Variants in LTBP1 observed in about 807,000 individuals in gnomAD.
LTBP1 encodes the protein latent transforming growth factor beta binding protein 1, also known as latent-transforming growth factor beta-binding protein 1.
Under a neutral mutation model 207.6 loss-of-function variants are expected in LTBP1, and 129 were observed. That is an observed-to-expected ratio of 0.62 (90% confidence interval 0.54 to 0.72). The LOEUF is 0.72. Ranked by LOEUF, LTBP1 falls within the 30% of genes least tolerant of loss-of-function variation. The pLI is 0.00. For missense variants in LTBP1, 2,281 were observed against 2,217.2 expected, an observed-to-expected ratio of 1.03 and a Z score of -0.58; for synonymous variants, 963 against 833.7, an observed-to-expected ratio of 1.16 and a Z score of -2.67.
chr2:33,070,572 G>GCCAGCCCACATTGGAAACTTC (rs1260494897), intron 3 of LTBP1, among the ~76,000 whole-genome samples: 3 of 152,172 alleles, frequency 2.0e-5, no homozygotes, highest in African/African-American at 7.2e-5. Flanking sequence ...GCCTAGACTT[G>GCCAGCCCACATTGGAAACTTC]CCAGCCCACA....
rs1315145413 is a variant in LTBP1, at chr2:33,202,022, A to AACACACACACAGACAC, written c.1701+13182_1701+13183insGACACACACACACACA. On this transcript the variant is annotated intron_variant, in intron 7 of 33. Transcript: ENST00000404816. ...CCTAAGCTCTAAAGCTTAGCACTGG[A>AACACACACACAGACAC]ACACACACACACACACACACACACA... Among the ~76,000 whole-genome samples the AACACACACACAGACAC allele has an allele frequency of 4.3e-3, 605 of 140,664 alleles. 12 individuals are homozygous for AACACACACACAGACAC. The highest frequency in any genetic ancestry group is 0.016 in the African/African-American group (577 of 36,192). 92.3% of individuals were successfully genotyped at this position (140,664 alleles called of 152,430 possible).
chr2:33,053,122 C>T (rs2076826124), intron 3 of LTBP1, among the ~76,000 whole-genome samples: 2 of 152,336 alleles, frequency 1.3e-5, no homozygotes, highest in South Asian at 4.1e-4. Context: ...CTGCCTGCCT[C>T]AGCCTCCCAA....
At chr2:33,345,483 A>G (rs951686110) in intron 25 of LTBP1, among the ~76,000 whole-genome samples, 2 of 152,262 alleles carry the variant, frequency 1.3e-5, no homozygotes, top group African/African-American at 2.4e-5. Flanking sequence ...CATGTTGGAA[A>G]GTACAAAGTT....
intron 22 of LTBP1, among the ~76,000 whole-genome samples, chr2:33,302,860 C>G (rs756331861): frequency 3.3e-5 from 5 of 151,574 alleles, no homozygotes; most frequent in Non-Finnish European, 7.4e-5. Context: ...GTCAGGAGGT[C>G]AAGACCAGCC....
intron 2 of LTBP1, among the ~76,000 whole-genome samples, chr2:32,962,711 T>C (rs1679321730): frequency 6.6e-6 from 1 of 152,256 alleles, no homozygotes; most frequent in Non-Finnish European, 1.5e-5. Flanking sequence ...TGGCAAAATT[T>C]CCCCATTTCT....
chr2:33,296,180 A>C (rs971095840), intron 20 of LTBP1, among the ~76,000 whole-genome samples: 1 of 152,158 alleles, frequency 6.6e-6, no homozygotes, highest in Non-Finnish European at 1.5e-5. Flanking sequence ...TGCTATATCT[A>C]GTTTATTTTC....
At position 32,947,320 on chromosome 2, in the gene LTBP1, C is replaced by A; in HGVS notation, c.-5C>A. The A allele has an allele frequency of 8.1e-7, 1 of 1,234,674 alleles. No individual in the cohort carries two copies. Among genetic ancestry groups the A allele is most frequent in the African/African-American group, 1.6e-5 (1 of 63,744 alleles). The allele number at this position is 1,234,674 out of a possible 1,614,324, so 76.5% of individuals were successfully genotyped here. On this transcript the variant is annotated 5_prime_UTR_variant, in exon 1 of 34. Coordinates refer to ENST00000404816, the MANE Select transcript of LTBP1 (RefSeq NM_206943.4). ...CGCGACCGGTCGCGCCCGCTGGGGC[C>A]CGCGATGGCGGGGGCCTGGCTCAGG...
At chr2:33,040,567 A>G (rs1225706725) in intron 3 of LTBP1, among the ~76,000 whole-genome samples, 4 of 152,160 alleles carry the variant, frequency 2.6e-5, no homozygotes, top group African/African-American at 4.8e-5. Context: ...TGCCTCCTCA[A>G]CCACATATGT....
chr2:32,962,835 A>C (rs1330057459), intron 2 of LTBP1, among the ~76,000 whole-genome samples: 1 of 152,244 alleles, frequency 6.6e-6, no homozygotes. Flanking sequence ...TTAGAAATGC[A>C]AACTCTCCAG....
chr2:33,144,258 G>T (rs929330335), intron 5 of LTBP1, among the ~76,000 whole-genome samples: 5 of 152,142 alleles, frequency 3.3e-5, no homozygotes, highest in African/African-American at 1.2e-4. Context: ...TCACTTTGGT[G>T]CTCCGGTAGG....
intron 4 of LTBP1, among the ~76,000 whole-genome samples, chr2:33,130,868 A>AT (rs1360133606): frequency 6.6e-5 from 10 of 152,154 alleles, no homozygotes; most frequent in Non-Finnish European, 1.2e-4. Context: ...TTGGGGGCTG[A>AT]TTCACCTAAA....
intron 24 of LTBP1, among the ~76,000 whole-genome samples, chr2:33,321,362 C>A (rs764536812): frequency 6.6e-6 from 1 of 152,116 alleles, no homozygotes; most frequent in Admixed American, 6.6e-5. Flanking sequence ...ATTGCCAATG[C>A]GTTGACGTGT....
At chr2:33,374,439 A>T (rs1156912886) in intron 31 of LTBP1, among the ~76,000 whole-genome samples, 1 of 152,230 alleles carries the variant, frequency 6.6e-6, no homozygotes, top group Admixed American at 6.5e-5. Context: ...CCTGAACATT[A>T]TAATTAAAGA....
intron 3 of LTBP1, chr2:33,063,118 T>C (rs149635070): frequency 6.6e-6 from 1 of 152,318 alleles, no homozygotes; most frequent in African/African-American, 2.4e-5. Flanking sequence ...TCAAATCAAG[T>C]TGTGTAAGCC....
rs1248410236 is a variant in LTBP1, at chr2:33,358,492, G to A, written c.4001-2105G>A. 2.6e-5 allele frequency among the ~76,000 whole-genome samples: 4 copies of A among 151,478 alleles called. No individual in the cohort carries two copies. The South Asian group carries it at 6.2e-4, about 24-fold the overall frequency. On this transcript the variant is annotated intron_variant, in intron 26 of 33. Transcript: ENST00000404816. ...TATAATTTTGACATGCTTTGGACTC[G>A]AGAAGCCTATAGTTTCTAATTACCT...
intron 2 of LTBP1, among the ~76,000 whole-genome samples, chr2:33,006,381 CTTTTTTT>C (rs3047193): frequency 8.6e-6 from 1 of 116,758 alleles, no homozygotes; most frequent in Non-Finnish European, 1.8e-5. Context: ...ATAAGAAAGC[CTTTTTTT>C]TTTTTTTTTT....
chr2:33,050,910 T>C (rs1262369145), intron 3 of LTBP1, among the ~76,000 whole-genome samples: 1 of 152,042 alleles, frequency 6.6e-6, no homozygotes, highest in Admixed American at 6.6e-5. Flanking sequence ...ATTTTTATAT[T>C]TTTAGTAGAG....
intron 20 of LTBP1, among the ~76,000 whole-genome samples, chr2:33,298,744 G>A (rs1484429690): frequency 6.6e-6 from 1 of 152,090 alleles, no homozygotes; most frequent in African/African-American, 2.4e-5. Flanking sequence ...AAATCAAAGA[G>A]ACCAAGAACA....
At chr2:32,956,815 A>T (rs1678149557) in intron 2 of LTBP1, among the ~76,000 whole-genome samples, 1 of 150,942 alleles carries the variant, frequency 6.6e-6, no homozygotes, top group Non-Finnish European at 1.5e-5. Flanking sequence ...AAACAAGAAG[A>T]CTTGAAAGTT....
Sources: gnomAD v4.1 joint callset for allele counts (sites outside exome capture counted in the v4.1 genomes callset) on GRCh38, gnomAD v4.1.1 for gene constraint, MANE v1.5 for transcripts, NCBI Gene and HGNC (gene_info 2026-07-23, HGNC 2026-07-21) for gene names.